ATXN2: variants seen among roughly 807,000 people sequenced by gnomAD.
ATXN2 encodes the protein ataxin 2, also known as ataxin-2.
In ATXN2, 37 loss-of-function variants were observed where a neutral mutation model predicts 138.6. The observed-to-expected ratio is 0.27, with a 90% CI of 0.21 to 0.35. ATXN2 has a LOEUF of 0.35. Among genes scored for constraint, ATXN2 ranks in the 10% least tolerant of loss-of-function variants. The pLI is 1.00. For missense variants in ATXN2, 1,216 were observed against 1,480.3 expected, an observed-to-expected ratio of 0.82 and a Z score of 2.93; for synonymous variants, 549 against 543.7, an observed-to-expected ratio of 1.01 and a Z score of -0.13.
At chr12:111,553,118 A>G (rs1025772366) in intron 3 of ATXN2, 141 bp from the exon 4 acceptor site, 6 of 471,760 alleles carry the variant, frequency 1.3e-5, no homozygotes, top group African/African-American at 1.0e-4. Flanking sequence ...AAAAATTTCA[A>G]AACATTAACA....
intron 7 of ATXN2, 140 bp from the exon 8 acceptor site, chr12:111,520,216 T>A: frequency 8.8e-7 from 1 of 1,132,996 alleles, no homozygotes; most frequent in Non-Finnish European, 1.2e-6. Flanking sequence ...AAACTAAAAG[T>A]TATAGTGATC....
upstream of ATXN2, chr12:111,599,539 CG>C: frequency 8.4e-7 from 1 of 1,196,968 alleles, no homozygotes; most frequent in Non-Finnish European, 1.0e-6. Flanking sequence ...GCCGAGGCGC[CG>C]GGTGGGAGCG....
intron 5 of ATXN2, among the ~76,000 whole-genome samples, chr12:111,538,400 T>G (rs75225239): frequency 1.3e-5 from 2 of 151,992 alleles, no homozygotes; most frequent in East Asian, 1.9e-4. Flanking sequence ...TTTTTTTTTT[T>G]GAAACCAGGG....
At position 111,598,860 on chromosome 12, in the gene ATXN2, CCGAGGA is replaced by C; in HGVS notation, c.169_174del (p.Ser57_Ser58del). ...GGAGCCGTGGCCGAGGACGAGGAGA[CCGAGGA>C]CGAGGACGGCGAAGGCGCGGCGGCG... is the stretch of plus-strand genomic sequence containing the variant. On this transcript the variant is annotated inframe_deletion, in exon 1 of 25. Coordinates refer to ENST00000673436, the MANE Select transcript of ATXN2 (RefSeq NM_001372574.1). The surrounding 1 kb of genome is among the most constrained non-coding windows in gnomAD (Gnocchi z 4.5). 6.7e-7 allele frequency: 1 copy of C among 1,489,158 alleles called. No homozygotes were observed. The highest frequency in any genetic ancestry group is 8.9e-7 in the Non-Finnish European group (1 of 1,125,788). 92.2% of individuals were successfully genotyped at this position (1,489,158 alleles called of 1,614,324 possible).
intron 14 of ATXN2, among the ~76,000 whole-genome samples, chr12:111,503,732 G>C (rs2135720214): frequency 6.6e-6 from 1 of 151,810 alleles, no homozygotes; most frequent in East Asian, 1.9e-4. Context: ...TGGGATTACA[G>C]GCATGTGCCA....
At chr12:111,559,136 G>T (rs112249060) in intron 1 of ATXN2, among the ~76,000 whole-genome samples, 75 of 142,176 alleles carry the variant, frequency 5.3e-4, no homozygotes, top group South Asian at 2.7e-3. Flanking sequence ...ACAGTTTTTT[G>T]TTTTTTTTTT....
Position 111,552,615 on chromosome 12 carries a change from A to C in ATXN2, c.421-185T>G. The C allele has an allele frequency of 3.0e-6, 2 of 668,524 alleles. No homozygotes were observed. Among genetic ancestry groups the C allele is most frequent in the Non-Finnish European group, 4.7e-6 (2 of 429,690 alleles). The allele number at this position is 668,524 out of a possible 1,614,324, so 41.4% of individuals were successfully genotyped here. On this transcript the variant is annotated intron_variant, in intron 4 of 24. Transcript: ENST00000673436. The surrounding 1 kb of genome is among the most constrained non-coding windows in gnomAD (Gnocchi z 4.1). ...CCATCATTTAAAAATCCTCATATCT[A>C]AATGTTTTTTGTTTCTATGGTTTGT...
At chr12:111,578,055 G>T (rs1272464183) in intron 1 of ATXN2, among the ~76,000 whole-genome samples, 3 of 152,116 alleles carry the variant, frequency 2.0e-5, no homozygotes, top group Non-Finnish European at 2.9e-5. Context: ...AAATTAGCCA[G>T]GTGTGGTGGC....
chr12:111,521,352 G>C (rs1880146653), intron 6 of ATXN2, among the ~76,000 whole-genome samples: 4 of 152,188 alleles, frequency 2.6e-5, no homozygotes. Context: ...TGGAGGACAG[G>C]AGGTACATAT....
In ATXN2 at chr12:111,483,238, CAA is replaced by C. The variant is rs780429904; in HGVS notation, c.2524+2025_2524+2026del. Among the ~76,000 whole-genome samples, 212 of 146,778 alleles carry C rather than the reference CAA, an allele frequency of 1.4e-3. 1 individual carries two copies. The highest frequency in any genetic ancestry group is 4.9e-3 in the African/African-American group (193 of 39,556). ...ACACACACACACACACACACACACA[CAA>C]AACACCCAAAAAAACACATTGAGGA... On this transcript the variant is annotated intron_variant, in intron 18 of 24. Transcript: ENST00000673436.
rs867494794 is a variant in ATXN2, at chr12:111,583,788, A to C, written c.251+14996T>G. Reference sequence around the variant, plus strand: ...ACTCAAAAAAAAAAAAAAAAAAAAAAAACAGTGAACCATGATTCCAGCTTA... The same window carrying C: ...ACTCAAAAAAAAAAAAAAAAAAAAACAACAGTGAACCATGATTCCAGCTTA... On this transcript the variant is annotated intron_variant, in intron 1 of 24. Coordinates refer to ENST00000673436, the MANE Select transcript of ATXN2 (RefSeq NM_001372574.1). 5.3e-5 allele frequency among the ~76,000 whole-genome samples: 8 copies of C among 151,360 alleles called. No individual in the cohort carries two copies. In the South Asian group the frequency reaches 6.2e-4, roughly 12 times the overall value.
chr12:111,516,584 A>G lies in ATXN2; in HGVS notation c.1166-221T>C, dbSNP rs1053290765. On this transcript the variant is annotated intron_variant, in intron 9 of 24. Coordinates refer to ENST00000673436, the MANE Select transcript of ATXN2 (RefSeq NM_001372574.1). This position sits in a 1 kb window ranked among gnomAD's most constrained non-coding sequence, Gnocchi z 5.0. ...AGATTAAGTCTGTTTAAATGAATAC[A>G]CGTTCCCAAAGGGTTAATTAGGATC... Among the ~76,000 whole-genome samples, 2 of 152,202 alleles carry G rather than the reference A, an allele frequency of 1.3e-5. No homozygotes were observed. The highest frequency in any genetic ancestry group is 4.8e-5 in the African/African-American group (2 of 41,454).
At chr12:111,484,284 A>AC (rs1877481840) in intron 18 of ATXN2, among the ~76,000 whole-genome samples, 1 of 146,644 alleles carries the variant, frequency 6.8e-6, no homozygotes, top group Admixed American at 6.6e-5. Context: ...TTTGGAATTA[A>AC]CTTTTTTTTT....
In ATXN2 at chr12:111,592,369, C is replaced by T. The variant is rs569127086; in HGVS notation, c.251+6415G>A. ...TCACGCCACTGCACTCCAGCCTGGGCGACAGAGACTCTGTCTCAAAAACAA... is the reference window on the plus strand; with the variant it reads ...TCACGCCACTGCACTCCAGCCTGGGTGACAGAGACTCTGTCTCAAAAACAA... On this transcript the variant is annotated intron_variant, in intron 1 of 24. Transcript: ENST00000673436. Among the ~76,000 whole-genome samples, 27 of 151,660 alleles carry T rather than the reference C, an allele frequency of 1.8e-4. No individual in the cohort carries two copies. In the East Asian group the frequency reaches 3.5e-3, roughly 20 times the overall value.
At chr12:111,490,909 G>A (rs1047586040) in intron 14 of ATXN2, among the ~76,000 whole-genome samples, 1 of 152,124 alleles carries the variant, frequency 6.6e-6, no homozygotes, top group East Asian at 1.9e-4. Context: ...CACCCACAGA[G>A]GGAGTATTTA....
rs1416673505 is a variant in ATXN2, at chr12:111,559,152, G to C, written c.252-3233C>G. On this transcript the variant is annotated intron_variant, in intron 1 of 24. Coordinates refer to ENST00000673436, the MANE Select transcript of ATXN2 (RefSeq NM_001372574.1). ...CAGTTTTTTGTTTTTTTTTTTTTCTGAGACAGAGTCTCACTCTGTCGCCAG... is the reference window on the plus strand; with the variant it reads ...CAGTTTTTTGTTTTTTTTTTTTTCTCAGACAGAGTCTCACTCTGTCGCCAG... 3.7e-5 allele frequency among the ~76,000 whole-genome samples: 5 copies of C among 136,164 alleles called. No individual in the cohort carries two copies. In the East Asian group the frequency reaches 1.0e-3, roughly 29 times the overall value. 89.3% of individuals were successfully genotyped at this position (136,164 alleles called of 152,430 possible). A position where few individuals can be genotyped will look rare whatever the true frequency, so the allele number is the denominator to read the frequency against.
Position 111,453,659 on chromosome 12 carries a change from T to C in ATXN2, c.3439+18A>G, listed in dbSNP as rs1227849917. ...TGCTTTGGGGTGCCCCGGCGGCCCC[T>C]GCACACACACGCCTCACCTGAAGGG... On this transcript the variant is annotated intron_variant, in intron 24 of 24. Coordinates refer to ENST00000673436, the MANE Select transcript of ATXN2 (RefSeq NM_001372574.1). This position sits in a 1 kb window ranked among gnomAD's most constrained non-coding sequence, Gnocchi z 5.4. 2 of 1,557,606 alleles carry C rather than the reference T, an allele frequency of 1.3e-6. No individual in the cohort carries two copies. Among genetic ancestry groups the C allele is most frequent in the Non-Finnish European group, 8.7e-7 (1 of 1,148,118 alleles).
At chr12:111,522,597 G>A (rs1192211350) in intron 6 of ATXN2, among the ~76,000 whole-genome samples, 2 of 149,386 alleles carry the variant, frequency 1.3e-5, no homozygotes, top group African/African-American at 2.5e-5. Context: ...GCGACAGAGC[G>A]AGACTCCATC....
intron 1 of ATXN2, among the ~76,000 whole-genome samples, chr12:111,572,544 G>T (rs1434123016): frequency 1.3e-5 from 2 of 152,194 alleles, no homozygotes; most frequent in Admixed American, 6.6e-5. Flanking sequence ...AACACAAGTA[G>T]AGTTGAAGTC....
Sources: gnomAD v4.1 joint callset for allele counts (sites outside exome capture counted in the v4.1 genomes callset) on GRCh38, gnomAD v4.1.1 for gene constraint, Gnocchi (gnomAD v3.1) non-coding constraint, MANE v1.5 for transcripts, NCBI Gene and HGNC (gene_info 2026-07-23, HGNC 2026-07-21) for gene names.